DGKB: variants seen among roughly 807,000 people sequenced by gnomAD.
The protein encoded by DGKB is diacylglycerol kinase beta, also known as 90 kDa diacylglycerol kinase.
DGKB carries 67 observed loss-of-function variants against 114.3 expected under a neutral mutation model. The observed-to-expected ratio is 0.59, with a 90% CI of 0.48 to 0.72. The LOEUF is 0.72. Among genes scored for constraint, DGKB ranks in the 30% least tolerant of loss-of-function variants. DGKB has a pLI of 0.00. For missense variants in DGKB, 907 were observed against 975.2 expected, an observed-to-expected ratio of 0.93 and a Z score of 0.93; for synonymous variants, 398 against 323.1, an observed-to-expected ratio of 1.23 and a Z score of -2.49.
At chr7:14,782,441 T>TG (rs1432694848) in intron 2 of DGKB, among the ~76,000 whole-genome samples, 1 of 152,246 alleles carries the variant, frequency 6.6e-6, no homozygotes, top group Non-Finnish European at 1.5e-5. Context: ...TAACTGGGTA[T>TG]ATCTCATTTG....
chr7:14,900,434 A>G (rs1782831674), intron 1 of DGKB, among the ~76,000 whole-genome samples: 1 of 152,188 alleles, frequency 6.6e-6, no homozygotes, highest in Non-Finnish European at 1.5e-5. Context: ...GAAGGCAGCC[A>G]GAAGAAACAT....
chr7:14,694,033 C>T (rs1279753247), intron 9 of DGKB, 42 bp downstream of exon 9: 7 of 1,551,568 alleles, frequency 4.5e-6, no homozygotes, highest in Admixed American at 3.9e-5. Context: ...GAGAGCCCCA[C>T]TGACTCACCA....
At chr7:14,272,190 C>T (rs577693887) in intron 23 of DGKB, among the ~76,000 whole-genome samples, 3 of 151,960 alleles carry the variant, frequency 2.0e-5, no homozygotes, top group Non-Finnish European at 2.9e-5. Context: ...TGCAAGATGA[C>T]AGTGTATTTA....
intron 20 of DGKB, among the ~76,000 whole-genome samples, chr7:14,515,844 A>G (rs1788703736): frequency 6.6e-6 from 1 of 152,154 alleles, no homozygotes; most frequent in South Asian, 2.1e-4. Flanking sequence ...TAGAAGAGTT[A>G]GATTTTATTT....
upstream of DGKB, among the ~76,000 whole-genome samples, chr7:14,903,690 T>C (rs768281192): frequency 6.6e-5 from 10 of 152,232 alleles, no homozygotes; most frequent in Admixed American, 5.9e-4. Context: ...CAGTTAAATA[T>C]TGGGAGAAAC....
intron 1 of DGKB, among the ~76,000 whole-genome samples, chr7:14,863,109 AT>A (rs1851226743): frequency 7.1e-6 from 1 of 141,398 alleles, no homozygotes; most frequent in African/African-American, 2.7e-5. Flanking sequence ...TTTTTAATTT[AT>A]TTTTATGTGG....
intron 6 of DGKB, among the ~76,000 whole-genome samples, chr7:14,717,397 C>T (rs951067624): frequency 1.3e-5 from 2 of 152,026 alleles, no homozygotes; most frequent in Admixed American, 6.6e-5. Context: ...ATTCACTGAA[C>T]ATTAATATTT....
chr7:14,461,562 C>T (rs1487080797), intron 21 of DGKB, among the ~76,000 whole-genome samples: 22 of 151,874 alleles, frequency 1.4e-4, no homozygotes, highest in African/African-American at 1.9e-4. Context: ...AGGAAGAAGT[C>T]GAATCCCTGA....
At chr7:14,522,169 C>T (rs1789891975) in intron 20 of DGKB, among the ~76,000 whole-genome samples, 1 of 152,084 alleles carries the variant, frequency 6.6e-6, no homozygotes, top group African/African-American at 2.4e-5. Context: ...TATATGTGGC[C>T]TAAACAGAAC....
chr7:14,843,182 A>C lies in DGKB; in HGVS notation c.-187-1732T>G, dbSNP rs532200355. 3.3e-5 allele frequency among the ~76,000 whole-genome samples: 5 copies of C among 150,492 alleles called. No homozygotes were observed. The East Asian group carries it at 9.8e-4, about 30-fold the overall frequency. On this transcript the variant is annotated intron_variant, in intron 1 of 25. Transcript: ENST00000402815. Reference sequence around the variant, plus strand: ...CAGTGAGCTGTGATTATGCTGCTGTACTCCAGCCTGGGCAACAGAGCAAGA... The same window carrying C: ...CAGTGAGCTGTGATTATGCTGCTGTCCTCCAGCCTGGGCAACAGAGCAAGA...
chr7:14,639,574 G>A (rs969294476), intron 13 of DGKB, among the ~76,000 whole-genome samples: 4 of 152,136 alleles, frequency 2.6e-5, no homozygotes, highest in African/African-American at 9.7e-5. Context: ...GATAATGACT[G>A]ACACATAGGT....
intron 1 of DGKB, 22 bp from the exon 2 acceptor site, chr7:14,841,472 C>G: frequency 2.4e-6 from 1 of 413,856 alleles, no homozygotes; most frequent in Non-Finnish European, 4.3e-6. Flanking sequence ...AAAAACAGAT[C>G]AAGATCAAAA....
chr7:14,875,184 C>A (rs1853088377), intron 1 of DGKB, among the ~76,000 whole-genome samples: 1 of 152,164 alleles, frequency 6.6e-6, no homozygotes, highest in East Asian at 1.9e-4. Context: ...ATCAATATCA[C>A]AGTAAGATAA....
At chr7:14,650,028 C>T (rs1814080275) in intron 13 of DGKB, among the ~76,000 whole-genome samples, 1 of 151,870 alleles carries the variant, frequency 6.6e-6, no homozygotes, top group African/African-American at 2.4e-5. Context: ...GAGACTTAGA[C>T]TCCCACGCAT....
At chr7:14,342,756 C>A (rs1811817577) in intron 22 of DGKB, among the ~76,000 whole-genome samples, 2 of 151,824 alleles carry the variant, frequency 1.3e-5, no homozygotes, top group Admixed American at 1.3e-4. Context: ...ACCTGTGAGA[C>A]AGTTAATAAT....
intron 2 of DGKB, among the ~76,000 whole-genome samples, chr7:14,768,458 A>G (rs1056425712): frequency 2.7e-5 from 4 of 146,782 alleles, no homozygotes; most frequent in Non-Finnish European, 5.9e-5. Context: ...GATAGTGCAT[A>G]TCTCCACATA....
intron 2 of DGKB, among the ~76,000 whole-genome samples, chr7:14,834,257 T>A (rs1846835133): frequency 6.6e-6 from 1 of 152,174 alleles, no homozygotes; most frequent in South Asian, 2.1e-4. Flanking sequence ...GATTATTATC[T>A]TCAGTATAAA....
At position 14,625,438 on chromosome 7, in the gene DGKB, T is replaced by C. The variant is rs138928539; in HGVS notation, c.1168-3944A>G. 1.6e-4 allele frequency among the ~76,000 whole-genome samples: 24 copies of C among 152,284 alleles called. No individual in the cohort carries two copies. In the East Asian group the frequency reaches 4.6e-3, roughly 29 times the overall value. The stretch of plus-strand genomic sequence containing the variant: ...TGTCCACCAGGTTTCACTAGCTTTT[T>C]TGGGAAGGTAAATTGACCCTGACTG... On this transcript the variant is annotated intron_variant, in intron 14 of 25. Transcript: ENST00000402815.
intron 21 of DGKB, among the ~76,000 whole-genome samples, chr7:14,378,916 G>C (rs979493594): frequency 6.6e-6 from 1 of 151,724 alleles, no homozygotes; most frequent in South Asian, 2.1e-4. Flanking sequence ...AAATATTTAC[G>C]CATTTTGGTG....
Sources: allele counts gnomAD v4.1 joint callset (sites outside exome capture counted in the v4.1 genomes callset), GRCh38; gene constraint gnomAD v4.1.1; transcripts MANE v1.5; gene names NCBI Gene and HGNC (gene_info 2026-07-23, HGNC 2026-07-21).